Variants in ANKRD2 observed in about 807,000 individuals in gnomAD.
The protein encoded by ANKRD2 is ankyrin repeat domain-containing protein 2.
Under a neutral mutation model 37.3 loss-of-function variants are expected in ANKRD2, and 35 were observed. The observed-to-expected ratio is 0.94, with a 90% CI of 0.72 to 1.24. The LOEUF is 1.24. ANKRD2 is among the 50% of genes most tolerant of loss of function. The pLI is 0.00. For missense variants in ANKRD2, 410 were observed against 445.6 expected (o/e 0.92, Z 0.72); for synonymous variants, 159 against 186.5 (o/e 0.85, Z 1.20).
chr10:97,582,436 C>G (rs778064275), intron 7 of ANKRD2, 23 bp downstream of exon 7: 2 of 1,582,056 alleles, frequency 1.3e-6, no homozygotes, highest in Non-Finnish European at 1.7e-6. Flanking sequence ...CTGTCCGCTG[C>G]TCACCCGCCA....
At position 97,582,305 on chromosome 10, in the gene ANKRD2, T is replaced by C. The variant is rs2040907627; in HGVS notation, c.655-10T>C. The C allele has an allele frequency of 3.2e-6, 5 of 1,552,322 alleles. No individual in the cohort carries two copies. The highest frequency in any genetic ancestry group is 1.4e-5 in the African/African-American group (1 of 73,082). ...CCGTCAACTAGCAGTTCCTGATTCC[T>C]CCCACCCAGCTGCTGAGCACCCCGC... On this transcript the variant is annotated splice_polypyrimidine_tract_variant and intron_variant, in intron 6 of 8. Transcript: ENST00000370655.
intron 1 of ANKRD2, among the ~76,000 whole-genome samples, chr10:97,575,345 C>T (rs1021984716): frequency 1.3e-5 from 2 of 152,196 alleles, no homozygotes; most frequent in Non-Finnish European, 2.9e-5. Context: ...GGCGAGTTTA[C>T]TGGGTTAGGT....
chr10:97,578,702 G>T (rs2040861204), intron 4 of ANKRD2, 97 bp downstream of exon 4: 3 of 964,634 alleles, frequency 3.1e-6, no homozygotes, highest in Non-Finnish European at 4.6e-6. Flanking sequence ...TATTTGAGAG[G>T]AGGCACCGGT....
chr10:97,577,021 A>T (rs2040835123), intron 1 of ANKRD2, among the ~76,000 whole-genome samples: 1 of 138,952 alleles, frequency 7.2e-6, no homozygotes, highest in African/African-American at 2.7e-5. Context: ...AGGCAGGGTC[A>T]TTCTCTCTCT....
chr10:97,582,302 T>C lies in ANKRD2; in HGVS notation c.655-13T>C. 1.3e-6 allele frequency: 2 copies of C among 1,551,680 alleles called. No individual in the cohort carries two copies. The highest frequency in any genetic ancestry group is 4.9e-5 in the East Asian group (2 of 40,982). The stretch of plus-strand genomic sequence containing the variant: ...GCCCCGTCAACTAGCAGTTCCTGAT[T>C]CCTCCCACCCAGCTGCTGAGCACCC... On this transcript the variant is annotated splice_polypyrimidine_tract_variant and intron_variant, in intron 6 of 8. Transcript: ENST00000370655.
intron 4 of ANKRD2, among the ~76,000 whole-genome samples, chr10:97,579,154 T>C (rs1161516361): frequency 6.6e-6 from 1 of 151,092 alleles, no homozygotes; most frequent in African/African-American, 2.4e-5. Context: ...TCTCTATACA[T>C]ATATAGATAA....
chr10:97,578,377 G>T lies in ANKRD2; in HGVS notation c.327G>T (p.Pro109=), dbSNP rs766169707. The change falls in exon 3 of 9, where the codon CCG becomes CCT. Residue 109 remains proline, a synonymous_variant. Coordinates refer to ENST00000370655, the MANE Select transcript of ANKRD2 (RefSeq NM_001346793.2). Reference sequence around the variant, plus strand: ...ACGCTCTGGCCGCCTCGCATGAGCCGCCCCCAGAGCCCGAGGAGATCGTAA... The same window carrying T: ...ACGCTCTGGCCGCCTCGCATGAGCCTCCCCCAGAGCCCGAGGAGATCGTAA... ...KRDALAASHE[P]PPEPEEITGP... is the part of the protein sequence containing the mutation. 1 of 1,613,720 alleles carries T rather than the reference G, an allele frequency of 6.2e-7. No individual in the cohort carries two copies. Among genetic ancestry groups the T allele is most frequent in the Non-Finnish European group, 8.5e-7 (1 of 1,179,886 alleles).
At chr10:97,581,179 T>C (rs1257113957) in intron 5 of ANKRD2, 137 bp from the exon 6 acceptor site, 1 of 877,650 alleles carries the variant, frequency 1.1e-6, no homozygotes, top group African/African-American at 1.7e-5. Flanking sequence ...CTGTTCCACT[T>C]GGTCCATTGC....
In ANKRD2 at chr10:97,583,583, A is replaced by G; in HGVS notation, c.860A>G (p.Lys287Arg). ...CCGTCCCGCCCCCTCCAGGCAGGAA[A>G]GACCCCGACGGACCTGGTGCAGCTC... ...ADMMTKNLAG[K>R]TPTDLVQLWQ... Residue 287 changes from lysine (K) to arginine (R), a missense_variant, in exon 9 of 9, where the codon AAG (lysine) becomes AGG (arginine). Lys to Arg is a conservative substitution (Grantham distance 26). Transcript: ENST00000370655. The G allele has an allele frequency of 6.2e-7, 1 of 1,602,816 alleles. No homozygotes were observed.
Position 97,582,808 on chromosome 10 carries a change from G to C in ANKRD2, c.852+106G>C, listed in dbSNP as rs973970704. The C allele has an allele frequency of 2.9e-5, 27 of 916,324 alleles. No homozygotes were observed. The African/African-American group carries it at 3.7e-4, about 13-fold the overall frequency. 56.8% of individuals were successfully genotyped at this position (916,324 alleles called of 1,614,324 possible). A position where few individuals can be genotyped will look rare whatever the true frequency, so the allele number is the denominator to read the frequency against. On this transcript the variant is annotated intron_variant, in intron 8 of 8. Coordinates refer to ENST00000370655, the MANE Select transcript of ANKRD2 (RefSeq NM_001346793.2). ...CCCCGCCTAGGGACATGTATCATTG[G>C]CTCTGGCCAGCACCATAGTACATAA...
At chr10:97,576,894 A>G (rs975700166) in intron 1 of ANKRD2, among the ~76,000 whole-genome samples, 4 of 151,900 alleles carry the variant, frequency 2.6e-5, no homozygotes, top group African/African-American at 9.7e-5. Context: ...ATGGGGTTTC[A>G]CCATGTTGCC....
intron 2 of ANKRD2, 96 bp from the exon 3 acceptor site, chr10:97,578,144 G>GGCCCCCCCCCCC: frequency 7.3e-6 from 5 of 685,426 alleles, no homozygotes; most frequent in East Asian, 2.7e-5. Flanking sequence ...GGGTCTTCCT[G>GGCCCCCCCCCCC]CCCACCCCAC....
intron 1 of ANKRD2, among the ~76,000 whole-genome samples, chr10:97,574,292 A>T (rs1014732664): frequency 6.6e-6 from 1 of 151,808 alleles, no homozygotes; most frequent in Non-Finnish European, 1.5e-5. Context: ...CAAAAAAAAA[A>T]AAAAGGGGAC....
rs371824013 is a variant in ANKRD2 at position 97,582,351 on chromosome 10, G to A, written c.691G>A (p.Gly231Arg). 2 of 1,561,032 alleles carry A rather than the reference G, an allele frequency of 1.3e-6. No individual in the cohort carries two copies. The highest frequency in any genetic ancestry group is 2.4e-5 in the South Asian group (2 of 85,016). Residue 231 changes from glycine to arginine, a missense_variant, in exon 7 of 9, where the codon GGG (glycine) becomes AGG (arginine). Transcript: ENST00000370655. The part of the protein sequence containing the change: ...STPLHVAVRT[G>R]QVEIVEHFLS... The stretch of plus-strand genomic sequence containing the variant: ...CCCGCTGCACGTGGCAGTCCGGACA[G>A]GGCAGGTGGAGATTGTGGAGCACTT...
At chr10:97,577,323 G>A (rs35526633) in intron 1 of ANKRD2, among the ~76,000 whole-genome samples, 19,406 of 152,068 alleles carry the variant, frequency 0.13, 1,606 homozygotes, top group Non-Finnish European at 0.19. Context: ...TTAGAGACAC[G>A]ATCTTGCTAT....
rs371643815 is a variant in ANKRD2 at position 97,582,431 on chromosome 10, C to G, written c.753+18C>G. On this transcript the variant is annotated intron_variant, in intron 7 of 8. Transcript: ENST00000370655. ...GAGACAGGGTGAGTGCTAGCCTGTC[C>G]GCTGCTCACCCGCCATGGGTGTGTG... 6.3e-7 allele frequency: 1 copy of G among 1,575,848 alleles called. No homozygotes were observed. Among genetic ancestry groups the G allele is most frequent in the Non-Finnish European group, 8.6e-7 (1 of 1,160,634 alleles).
intron 1 of ANKRD2, among the ~76,000 whole-genome samples, chr10:97,573,332 C>T (rs999279492): frequency 6.6e-6 from 1 of 152,130 alleles, no homozygotes; most frequent in African/African-American, 2.4e-5. Context: ...CTGCTGGCCA[C>T]CCTTGGGGAG....
At chr10:97,580,791 T>G in intron 4 of ANKRD2, 64 bp from the exon 5 acceptor site, 2 of 1,282,646 alleles carry the variant, frequency 1.6e-6, no homozygotes, top group South Asian at 1.3e-5. Flanking sequence ...GGCCTCAGCT[T>G]GGGTGGGAGA....
chr10:97,572,516 C>G (rs909355875), upstream of ANKRD2: 9 of 672,916 alleles, frequency 1.3e-5, no homozygotes, highest in Non-Finnish European at 2.2e-5. Flanking sequence ...CCCAAGTGCT[C>G]AGGACAGAGG....
Sources: gnomAD v4.1 joint callset for allele counts (sites outside exome capture counted in the v4.1 genomes callset) on GRCh38, gnomAD v4.1.1 for gene constraint, MANE v1.5 for transcripts, NCBI Gene and HGNC (gene_info 2026-07-23, HGNC 2026-07-21) for gene names.